CNGA3: variants seen among roughly 807,000 people sequenced by gnomAD.
CNGA3 encodes the protein cyclic nucleotide-gated channel alpha-3.
Under a neutral mutation model 46.6 loss-of-function variants are expected in CNGA3, and 42 were observed. That is an observed-to-expected ratio of 0.90 (90% CI 0.70 to 1.17). CNGA3 has a LOEUF of 1.17. Ranked by LOEUF, CNGA3 falls within the 50% of genes most tolerant of loss-of-function variation. The pLI, the probability that CNGA3 is intolerant of heterozygous loss-of-function variation, is 0.00. For missense variants in CNGA3, 893 were observed against 890.7 expected (o/e 1.00, Z -0.03); for synonymous variants, 394 against 369.4 (o/e 1.07, Z -0.76).
chr2:98,391,191 G>A (rs984331644), intron 6 of CNGA3, among the ~76,000 whole-genome samples: 15 of 152,340 alleles, frequency 9.8e-5, no homozygotes, highest in East Asian at 9.7e-4. Context: ...GAGGGATTGC[G>A]GGGCAGGTGA....
chr2:98,374,383 C>T (rs1692358772), intron 2 of CNGA3, among the ~76,000 whole-genome samples: 1 of 152,162 alleles, frequency 6.6e-6, no homozygotes, highest in Non-Finnish European at 1.5e-5. Context: ...GCATCGACCC[C>T]ACATGGGATC....
At chr2:98,372,972 G>T (rs1485010599) in intron 2 of CNGA3, among the ~76,000 whole-genome samples, 1 of 152,226 alleles carries the variant, frequency 6.6e-6, no homozygotes, top group African/African-American at 2.4e-5. Flanking sequence ...ACACCACTGA[G>T]ATTTCAAAAT....
At position 98,392,595 on chromosome 2, in the gene CNGA3, A is replaced by G. The variant is rs142873104; in HGVS notation, c.673+625A>G. ...AAAAAAAAAGAAAAGAAAAGAAAAG[A>G]AAAAAAAAGAAAAGAAGTAAGCAGG... On this transcript the variant is annotated intron_variant, in intron 7 of 7. Transcript: ENST00000272602. 4.9e-3 allele frequency among the ~76,000 whole-genome samples: 737 copies of G among 150,902 alleles called. 9 individuals are homozygous for G. The highest frequency in any genetic ancestry group is 0.011 in the South Asian group (50 of 4,754).
intron 5 of CNGA3, among the ~76,000 whole-genome samples, 191 bp from the exon 6 acceptor site, chr2:98,389,467 G>A (rs542578075): frequency 1.4e-4 from 22 of 152,256 alleles, no homozygotes; most frequent in African/African-American, 5.3e-4. Context: ...AGGACCTCTG[G>A]AGTCTACCCT....
chr2:98,381,776 T>C lies in CNGA3; in HGVS notation c.395+1422T>C, dbSNP rs115832288. 1.9e-3 allele frequency among the ~76,000 whole-genome samples: 286 copies of C among 151,942 alleles called. 2 individuals carry two copies. Among genetic ancestry groups the C allele is most frequent in the African/African-American group, 6.1e-3 (252 of 41,412 alleles). Reference sequence around the variant, plus strand: ...AGGCCTGGGCGCTGGCCCAGACAAGTGCAGGGAGGTCCCAGGTTCCCAGGA... The same window carrying C: ...AGGCCTGGGCGCTGGCCCAGACAAGCGCAGGGAGGTCCCAGGTTCCCAGGA... On this transcript the variant is annotated intron_variant, in intron 4 of 7. Coordinates refer to ENST00000272602, the MANE Select transcript of CNGA3 (RefSeq NM_001298.3).
intron 1 of CNGA3, among the ~76,000 whole-genome samples, chr2:98,365,409 C>T (rs566069447): frequency 6.9e-6 from 1 of 145,012 alleles, no homozygotes; most frequent in South Asian, 2.1e-4. Context: ...CATGGAGTAC[C>T]TTATTGGAGT....
intron 6 of CNGA3, 34 bp downstream of exon 6, chr2:98,389,808 G>A (rs761798540): frequency 2.6e-6 from 4 of 1,561,240 alleles, no homozygotes; most frequent in Admixed American, 3.3e-5. Flanking sequence ...CAGCGGAAAG[G>A]GGGAAACCAG....
chr2:98,377,058 AG>A (rs1245523249), intron 2 of CNGA3, among the ~76,000 whole-genome samples: 1 of 152,186 alleles, frequency 6.6e-6, no homozygotes, highest in Non-Finnish European at 1.5e-5. Context: ...AAAAGGGACG[AG>A]GGGAAGTGGA....
Position 98,377,735 on chromosome 2 carries a change from C to A in CNGA3, c.150C>A (p.Ile50=), listed in dbSNP as rs759715897. 1.2e-6 allele frequency: 2 copies of A among 1,613,422 alleles called. No homozygotes were observed. The highest frequency in any genetic ancestry group is 1.7e-6 in the Non-Finnish European group (2 of 1,180,030). The change falls in exon 3 of 8, where the codon ATC becomes ATA. Residue 50 remains isoleucine, a synonymous_variant. Coordinates refer to ENST00000272602, the MANE Select transcript of CNGA3 (RefSeq NM_001298.3). ...CATCGTCAGTGCTGCAGCCGGGGAT[C>A]GCCATGGAGACCAGAGGACTGGCTG... is the stretch of plus-strand genomic sequence containing the variant. ...EETSSVLQPG[I]AMETRGLADS... is the part of the protein sequence containing the mutation.
At chr2:98,394,921 A>G (rs749866480) in intron 7 of CNGA3, among the ~76,000 whole-genome samples, 13 of 152,178 alleles carry the variant, frequency 8.5e-5, no homozygotes, top group Admixed American at 2.6e-4. Flanking sequence ...ATGTAGATTC[A>G]CTGAGCGCTA....
chr2:98,394,793 A>G (rs1172018581), intron 7 of CNGA3, among the ~76,000 whole-genome samples: 1 of 152,238 alleles, frequency 6.6e-6, no homozygotes, highest in Non-Finnish European at 1.5e-5. Context: ...TTGGGAACTG[A>G]GTCATGCAAA....
At chr2:98,378,129 T>C (rs191313207) in intron 3 of CNGA3, 3 of 1,550,790 alleles carry the variant, frequency 1.9e-6, no homozygotes, top group Admixed American at 3.9e-5. Flanking sequence ...AGACCTTTGA[T>C]TGGGTGGACA....
intron 1 of CNGA3, 142 bp downstream of exon 1, chr2:98,346,676 C>G: frequency 2.6e-6 from 1 of 389,034 alleles, no homozygotes; most frequent in East Asian, 3.7e-5. Flanking sequence ...GCGGGCGCGG[C>G]GCTGTCCGCA....
chr2:98,379,404 C>CCTGTTCCCCA (rs3835901), intron 3 of CNGA3, among the ~76,000 whole-genome samples: 29,971 of 151,970 alleles, frequency 0.2, 3,370 homozygotes, highest in East Asian at 0.32. Flanking sequence ...AGTCTCTGGG[C>CCTGTTCCCCA]CTGTTCCCCA....
At chr2:98,360,167 T>A (rs1382676930) in intron 1 of CNGA3, among the ~76,000 whole-genome samples, 3 of 152,194 alleles carry the variant, frequency 2.0e-5, no homozygotes, top group Non-Finnish European at 4.4e-5. Flanking sequence ...AGGAAATGAC[T>A]CACCTGTCCA....
chr2:98,374,573 A>C (rs770006258), intron 2 of CNGA3, among the ~76,000 whole-genome samples: 1 of 152,292 alleles, frequency 6.6e-6, no homozygotes, highest in African/African-American at 2.4e-5. Flanking sequence ...CGCCAAAAGC[A>C]TCTCCTTTTT....
intron 1 of CNGA3, among the ~76,000 whole-genome samples, chr2:98,348,209 C>T (rs1258391638): frequency 6.6e-6 from 1 of 152,168 alleles, no homozygotes; most frequent in Non-Finnish European, 1.5e-5. Context: ...AGAGAGGGGC[C>T]TCCTCCTGTG....
intron 1 of CNGA3, among the ~76,000 whole-genome samples, chr2:98,350,466 G>T (rs970274340): frequency 1.3e-5 from 2 of 152,214 alleles, no homozygotes; most frequent in African/African-American, 4.8e-5. Flanking sequence ...CATCTATAGA[G>T]TTGGCTATGG....
At chr2:98,367,078 C>T (rs1462324045) in intron 1 of CNGA3, among the ~76,000 whole-genome samples, 4 of 152,006 alleles carry the variant, frequency 2.6e-5, no homozygotes, top group Non-Finnish European at 5.9e-5. Context: ...CCTAGTCAGT[C>T]CCACTGAGAG....
Sources: gnomAD v4.1 joint callset for allele counts (sites outside exome capture counted in the v4.1 genomes callset) on GRCh38, gnomAD v4.1.1 for gene constraint, MANE v1.5 for transcripts, NCBI Gene and HGNC (gene_info 2026-07-23, HGNC 2026-07-21) for gene names.